Variants in DCDC2C observed in about 807,000 individuals in gnomAD.
DCDC2C encodes doublecortin domain-containing protein 2C.
A neutral mutation model predicts 45.0 loss-of-function variants in DCDC2C; 44 were observed. That is an observed-to-expected ratio of 0.98 (90% CI 0.77 to 1.26). DCDC2C has a LOEUF of 1.26. Ranked by LOEUF, DCDC2C falls within the 50% of genes most tolerant of loss-of-function variation. The probability of loss-of-function intolerance (pLI) is 0.00; values close to 1 mark genes in which losing one functional copy is unlikely to be tolerated. For synonymous variants in DCDC2C, 187 were observed against 178.8 expected (o/e 1.05, Z -0.37); for missense variants, 447 against 468.9 (o/e 0.95, Z 0.43).
At chr2:3,763,634 A>G (rs888284100) in intron 6 of DCDC2C, among the ~76,000 whole-genome samples, 2 of 152,068 alleles carry the variant, frequency 1.3e-5, no homozygotes, top group South Asian at 4.1e-4. Flanking sequence ...CCTGGAATAT[A>G]TGTCCTACTG....
chr2:3,822,690 T>C (rs1671723004), intron 10 of DCDC2C, among the ~76,000 whole-genome samples: 1 of 152,120 alleles, frequency 6.6e-6, no homozygotes, highest in Non-Finnish European at 1.5e-5. Context: ...TTCCTTTTTG[T>C]ATAGCTTCTT....
chr2:3,823,117 C>T (rs906654111), intron 10 of DCDC2C, among the ~76,000 whole-genome samples: 1 of 152,152 alleles, frequency 6.6e-6, no homozygotes, highest in South Asian at 2.1e-4. Context: ...TGAAAACAGA[C>T]TAATACAATT....
At chr2:3,752,931 G>A (rs568404106) in intron 5 of DCDC2C, 31 bp downstream of exon 5, 9 of 1,536,686 alleles carry the variant, frequency 5.9e-6, no homozygotes, top group Admixed American at 2.1e-5. Flanking sequence ...TCTTTCCTGA[G>A]TTTTGGAAAA....
Position 3,762,577 on chromosome 2 carries a change from G to A in DCDC2C, c.727-5177G>A, listed in dbSNP as rs141735515. Among the ~76,000 whole-genome samples, 302 of 152,216 alleles carry A rather than the reference G, an allele frequency of 2.0e-3. 2 individuals carry two copies. Among genetic ancestry groups the A allele is most frequent in the African/African-American group, 7.1e-3 (295 of 41,524 alleles). On this transcript the variant is annotated intron_variant, in intron 6 of 10. Coordinates refer to ENST00000399143, the MANE Select transcript of DCDC2C (RefSeq NM_001287444.2). ...GGTGTCTCACATGGCAAACACAGGA[G>A]CAAGAGAGAGAGTCGGGGGGAGCAG...
At chr2:3,799,227 C>T (rs1170608080) in intron 10 of DCDC2C, among the ~76,000 whole-genome samples, 1 of 152,156 alleles carries the variant, frequency 6.6e-6, no homozygotes, top group Non-Finnish European at 1.5e-5. Flanking sequence ...TCCATCAGCT[C>T]CTTTAAGCAC....
chr2:3,814,477 A>T (rs575395035), intron 10 of DCDC2C, among the ~76,000 whole-genome samples: 1 of 152,260 alleles, frequency 6.6e-6, no homozygotes, highest in East Asian at 1.9e-4. Context: ...TGCTCAGTGT[A>T]GTTTTTTATT....
At chr2:3,804,548 A>G (rs577064597) in intron 10 of DCDC2C, among the ~76,000 whole-genome samples, 34 of 152,286 alleles carry the variant, frequency 2.2e-4, no homozygotes, top group Middle Eastern at 3.4e-3. Flanking sequence ...TAATTATTAC[A>G]TTATCATCAA....
At chr2:3,736,234 C>A (rs957033264) in intron 3 of DCDC2C, among the ~76,000 whole-genome samples, 1 of 152,138 alleles carries the variant, frequency 6.6e-6, no homozygotes, top group African/African-American at 2.4e-5. Context: ...AAGATCCTTT[C>A]CTAGCAGATT....
chr2:3,835,963 C>T (rs893414018), intron 10 of DCDC2C, among the ~76,000 whole-genome samples: 2 of 152,098 alleles, frequency 1.3e-5, no homozygotes, highest in African/African-American at 2.4e-5. Flanking sequence ...AGGCTGATCT[C>T]GAACTCCTGG....
At chr2:3,821,975 C>T (rs1671697384) in intron 10 of DCDC2C, among the ~76,000 whole-genome samples, 1 of 152,136 alleles carries the variant, frequency 6.6e-6, no homozygotes, top group African/African-American at 2.4e-5. Context: ...AACTATGTAC[C>T]CATTAACAGT....
At chr2:3,765,734 G>A (rs889160949) in intron 6 of DCDC2C, among the ~76,000 whole-genome samples, 1 of 152,178 alleles carries the variant, frequency 6.6e-6, no homozygotes, top group Non-Finnish European at 1.5e-5. Context: ...TTGCCCTTGG[G>A]TGGCTTCTAA....
At chr2:3,781,079 A>T (rs1455907121) in intron 9 of DCDC2C, among the ~76,000 whole-genome samples, 1 of 152,208 alleles carries the variant, frequency 6.6e-6, no homozygotes, top group Non-Finnish European at 1.5e-5. Flanking sequence ...ACCTTTGTTG[A>T]TGTGAAGCAA....
chr2:3,766,705 T>G (rs1370441850), intron 6 of DCDC2C, among the ~76,000 whole-genome samples: 1 of 152,168 alleles, frequency 6.6e-6, no homozygotes, highest in Non-Finnish European at 1.5e-5. Flanking sequence ...TTAAGTGACA[T>G]AGAGAGCTCG....
At position 3,708,544 on chromosome 2, in the gene DCDC2C, T is replaced by G; in HGVS notation, c.288-5T>G. On this transcript the variant is annotated splice_region_variant and splice_polypyrimidine_tract_variant and intron_variant, in intron 1 of 10. Coordinates refer to ENST00000399143, the MANE Select transcript of DCDC2C (RefSeq NM_001287444.2). ...AATGATGTTTTCTTCTTTCTTCTTT[T>G]GCAGTTATATTCATATAGTTCCCCG... The G allele has an allele frequency of 1.9e-6, 3 of 1,538,778 alleles. No homozygotes were observed. In the South Asian group the frequency reaches 3.7e-5, roughly 19 times the overall value.
intron 10 of DCDC2C, among the ~76,000 whole-genome samples, chr2:3,834,588 T>C (rs563203929): frequency 1.3e-5 from 2 of 152,330 alleles, no homozygotes; most frequent in East Asian, 3.9e-4. Flanking sequence ...GTCACTTGCA[T>C]TGCACATGAG....
chr2:3,793,367 C>T (rs182448365), intron 10 of DCDC2C, among the ~76,000 whole-genome samples: 226 of 152,332 alleles, frequency 1.5e-3, no homozygotes, highest in Middle Eastern at 3.4e-3. Context: ...CCTTCTGCAT[C>T]GGAAGCCTGT....
At chr2:3,786,697 G>A (rs1384481679) in intron 10 of DCDC2C, among the ~76,000 whole-genome samples, 2 of 145,718 alleles carry the variant, frequency 1.4e-5, no homozygotes, top group Non-Finnish European at 3.0e-5. Flanking sequence ...CCTCCGGTGC[G>A]GGTGTGTCCC....
chr2:3,835,938 C>G (rs1054454997), intron 10 of DCDC2C, among the ~76,000 whole-genome samples: 5 of 152,036 alleles, frequency 3.3e-5, no homozygotes, highest in Non-Finnish European at 5.9e-5. Context: ...GAGACAGGGT[C>G]TTGCTATGTT....
intron 10 of DCDC2C, among the ~76,000 whole-genome samples, chr2:3,801,727 C>G (rs956747075): frequency 2.6e-5 from 4 of 152,230 alleles, no homozygotes; most frequent in African/African-American, 9.6e-5. Flanking sequence ...GTACTGGGAG[C>G]TTACAGACTC....
Sources: allele counts gnomAD v4.1 joint callset (sites outside exome capture counted in the v4.1 genomes callset), GRCh38; gene constraint gnomAD v4.1.1; transcripts MANE v1.5; gene names NCBI Gene and HGNC (gene_info 2026-07-23, HGNC 2026-07-21).